Variants in HTR4 observed in about 807,000 individuals in gnomAD.
HTR4 encodes 5-hydroxytryptamine (serotonin) receptor 4, G protein-coupled.
HTR4 carries 16 observed loss-of-function variants against 36.8 expected under a neutral mutation model. The observed-to-expected ratio is 0.43, with a 90% confidence interval of 0.29 to 0.66. The LOEUF (loss-of-function observed/expected upper bound fraction) is 0.66. Ranked by LOEUF, HTR4 falls within the 30% of genes least tolerant of loss-of-function variation. HTR4 has a pLI of 0.13. For synonymous variants in HTR4, 189 were observed against 185.1 expected, an observed-to-expected ratio of 1.02 and a Z score of -0.17; for missense variants, 438 against 490.9, an observed-to-expected ratio of 0.89 and a Z score of 1.02.
intron 2 of HTR4, among the ~76,000 whole-genome samples, chr5:148,616,505 T>C (rs1443500630): frequency 6.6e-6 from 1 of 152,110 alleles, no homozygotes; most frequent in Non-Finnish European, 1.5e-5. Flanking sequence ...AGTGAGCAAC[T>C]CCTCTCCCTT....
intron 4 of HTR4, among the ~76,000 whole-genome samples, chr5:148,527,907 C>T (rs368054447): frequency 6.6e-6 from 1 of 152,176 alleles, no homozygotes; most frequent in Non-Finnish European, 1.5e-5. Flanking sequence ...AGCCACCACA[C>T]CTGGCCCCCT....
At chr5:148,576,110 C>CAA (rs781780161) in intron 2 of HTR4, among the ~76,000 whole-genome samples, 484 of 32,076 alleles carry the variant, frequency 0.015, 30 homozygotes, top group Non-Finnish European at 0.019. Flanking sequence ...GACTCCGTCT[C>CAA]AAAAAAAAAA....
At chr5:148,632,146 T>C (rs1173008761) in intron 2 of HTR4, among the ~76,000 whole-genome samples, 2 of 152,072 alleles carry the variant, frequency 1.3e-5, no homozygotes, top group Non-Finnish European at 1.5e-5. Flanking sequence ...ATACATTATT[T>C]AAAAAGCAAA....
At chr5:148,484,160 A>G (rs149615321) in intron 6 of HTR4, 21 of 1,298,596 alleles carry the variant, frequency 1.6e-5, no homozygotes, top group Middle Eastern at 1.9e-4. Flanking sequence ...AGATCAAATA[A>G]TCTACAATGG....
chr5:148,649,911 T>C (rs1753983339), intron 1 of HTR4, among the ~76,000 whole-genome samples: 2 of 152,194 alleles, frequency 1.3e-5, no homozygotes, highest in Admixed American at 6.5e-5. Flanking sequence ...AGTTCTCAAA[T>C]AGTGGTCTCA....
chr5:148,577,318 C>G (rs748227913), intron 2 of HTR4, among the ~76,000 whole-genome samples: 26 of 152,102 alleles, frequency 1.7e-4, no homozygotes, highest in Non-Finnish European at 2.4e-4. Context: ...CAAAAAATAA[C>G]AGAGGCTGGT....
chr5:148,576,100 G>A, intron 2 of HTR4, among the ~76,000 whole-genome samples: 4 of 49,836 alleles, frequency 8.0e-5, no homozygotes, highest in African/African-American at 3.9e-4. Flanking sequence ...GACAGAGCGA[G>A]ACTCCGTCTC....
intron 5 of HTR4, among the ~76,000 whole-genome samples, chr5:148,470,160 A>C (rs1755529232): frequency 6.6e-6 from 1 of 152,230 alleles, no homozygotes; most frequent in African/African-American, 2.4e-5. Flanking sequence ...TTTAATATTC[A>C]CAAGTATTTT....
chr5:148,488,678 T>C (rs936975109), intron 6 of HTR4, among the ~76,000 whole-genome samples: 2 of 152,172 alleles, frequency 1.3e-5, no homozygotes, highest in Non-Finnish European at 2.9e-5. Context: ...GCAGAAAGCA[T>C]AGTGTCTTGG....
In HTR4 at chr5:148,613,482, C is replaced by T. The variant is rs1207081616; in HGVS notation, c.26+23507G>A. ...AAGGCCTTTGACAAAATTCAACAAC[C>T]CTTCATGCTAAAAACTCTCAATAAA... On this transcript the variant is annotated intron_variant, in intron 2 of 6. Transcript: ENST00000377888. 9.6e-4 allele frequency among the ~76,000 whole-genome samples: 146 copies of T among 151,388 alleles called. 2 individuals are homozygous for T. In the East Asian group the frequency reaches 0.024, roughly 25 times the overall value.
At position 148,469,416 on chromosome 5, in the gene HTR4, A is replaced by G. The variant is rs149313670; in HGVS notation, c.1077-18144T>C. Among the ~76,000 whole-genome samples, 516 of 152,286 alleles carry G rather than the reference A, an allele frequency of 3.4e-3. 7 individuals carry two copies. The highest frequency in any genetic ancestry group is 0.012 in the African/African-American group (501 of 41,550). ...AGTCTTGCCATAGCCTTTGGCCTAC[A>G]CCAAATAATAAAACGGTTCTGATCT... On this transcript the variant is annotated intron_variant, in intron 5 of 5. Coordinates refer to the HTR4 transcript ENST00000521530.
intron 1 of HTR4, among the ~76,000 whole-genome samples, chr5:148,638,891 C>T (rs114074737): frequency 0.026 from 3,993 of 151,966 alleles, 81 homozygotes; most frequent in South Asian, 0.088. Context: ...CCCATCTCCA[C>T]AAAAAATTAG....
chr5:148,583,242 G>A (rs538586762), intron 2 of HTR4, among the ~76,000 whole-genome samples: 50 of 149,784 alleles, frequency 3.3e-4, no homozygotes, highest in Admixed American at 6.7e-4. Flanking sequence ...TACATTTATT[G>A]ATTTGCATAT....
intron 2 of HTR4, among the ~76,000 whole-genome samples, chr5:148,585,540 C>T (rs1419884067): frequency 6.6e-6 from 1 of 152,146 alleles, no homozygotes; most frequent in Non-Finnish European, 1.5e-5. Context: ...TTCCTGTTCT[C>T]ACGGGATTTA....
At chr5:148,605,660 C>T (rs1752132040) in intron 2 of HTR4, among the ~76,000 whole-genome samples, 1 of 151,738 alleles carries the variant, frequency 6.6e-6, no homozygotes, top group South Asian at 2.1e-4. Context: ...CCCTTCAGGA[C>T]AAATTATCTA....
chr5:148,618,261 A>G (rs1220124043), intron 2 of HTR4, among the ~76,000 whole-genome samples: 4 of 152,192 alleles, frequency 2.6e-5, no homozygotes, highest in Admixed American at 6.5e-5. Context: ...CCCAAGAGTC[A>G]AGGAGCAGTC....
chr5:148,644,500 T>A (rs1753824070), intron 1 of HTR4, among the ~76,000 whole-genome samples: 1 of 137,020 alleles, frequency 7.3e-6, no homozygotes, highest in African/African-American at 2.7e-5. Flanking sequence ...GAAGCAGATC[T>A]CATGATAAGG....
intron 2 of HTR4, among the ~76,000 whole-genome samples, chr5:148,599,114 G>T (rs1761891922): frequency 6.6e-6 from 1 of 152,010 alleles, no homozygotes; most frequent in Non-Finnish European, 1.5e-5. Context: ...AAAAAGAATG[G>T]AATACAACAA....
downstream of HTR4, among the ~76,000 whole-genome samples, chr5:148,480,819 A>G (rs1407930303): frequency 1.3e-5 from 2 of 152,250 alleles, no homozygotes; most frequent in Admixed American, 6.5e-5. Flanking sequence ...AAATAAATTC[A>G]TAGTCCTCGA....
Sources: allele counts gnomAD v4.1 joint callset (sites outside exome capture counted in the v4.1 genomes callset), GRCh38; gene constraint gnomAD v4.1.1; transcripts MANE v1.5; gene names NCBI Gene and HGNC (gene_info 2026-07-23, HGNC 2026-07-21).